SDK1: variants seen among roughly 807,000 people sequenced by gnomAD.
SDK1 encodes sidekick cell adhesion molecule 1.
In SDK1, 157 loss-of-function variants were observed where a neutral mutation model predicts 245.5. The observed-to-expected ratio is 0.64, with a 90% confidence interval of 0.56 to 0.73. The LOEUF is 0.73. SDK1 is among the 30% of genes least tolerant of loss of function. The pLI is 0.00. For synonymous variants in SDK1, 1,647 were observed against 1,278.5 expected, an observed-to-expected ratio of 1.29 and a Z score of -6.15; for missense variants, 3,583 against 3,002.3, an observed-to-expected ratio of 1.19 and a Z score of -4.52.
At chr7:3,368,727 C>G (rs886398858) in intron 1 of SDK1, among the ~76,000 whole-genome samples, 2 of 152,186 alleles carry the variant, frequency 1.3e-5, no homozygotes, top group African/African-American at 4.8e-5. Context: ...CCACCTCTGT[C>G]TTCCCACTCT....
intron 4 of SDK1, among the ~76,000 whole-genome samples, chr7:3,782,927 A>G (rs1460371213): frequency 2.0e-5 from 3 of 152,198 alleles, no homozygotes; most frequent in African/African-American, 7.2e-5. Flanking sequence ...TAAGAAAGAG[A>G]GTTAAAGGTC....
At chr7:3,408,205 T>C (rs910156134) in intron 1 of SDK1, among the ~76,000 whole-genome samples, 3 of 149,072 alleles carry the variant, frequency 2.0e-5, no homozygotes, top group Non-Finnish European at 4.5e-5. Context: ...GCCTGGCCAA[T>C]TTTTTTTTTC....
Position 4,158,469 on chromosome 7 carries a change from C to G in SDK1, c.4647C>G (p.Tyr1549Ter), listed in dbSNP as rs1404918625. ...VVDRLRPFTS[Y>*]KLRLKATNDI... ...GCAGACTGAGGCCCTTCACCTCCTA[C>G]AAGCTGCGCCTGAAAGCCACCAACG... Residue 1549 changes from tyrosine (Y) to a stop codon, truncating the protein, a stop_gained, in exon 31 of 45, where the codon TAC becomes TAG. Transcript: ENST00000404826. LOFTEE classifies it high-confidence loss of function. The G allele has an allele frequency of 6.2e-7, 1 of 1,613,658 alleles. No individual in the cohort carries two copies. Among genetic ancestry groups the G allele is most frequent in the Admixed American group, 1.7e-5 (1 of 60,034 alleles).
chr7:3,812,602 A>G (rs1303119664), intron 4 of SDK1, among the ~76,000 whole-genome samples: 1 of 152,214 alleles, frequency 6.6e-6, no homozygotes, highest in Non-Finnish European at 1.5e-5. Flanking sequence ...ACTAACTTGA[A>G]ATGTTTTTCA....
At chr7:4,004,299 T>C (rs80232309) in intron 14 of SDK1, among the ~76,000 whole-genome samples, 3,164 of 152,312 alleles carry the variant, frequency 0.021, 42 homozygotes, top group Non-Finnish European at 0.031. Context: ...CTAATACTTA[T>C]ATTTCAGGAG....
At chr7:3,459,432 T>A (rs780023102) in intron 1 of SDK1, among the ~76,000 whole-genome samples, 2 of 152,196 alleles carry the variant, frequency 1.3e-5, no homozygotes, top group Non-Finnish European at 2.9e-5. Flanking sequence ...GTGCTGGATG[T>A]AGCCACTCCC....
chr7:3,732,787 C>T (rs1473505606), intron 4 of SDK1, among the ~76,000 whole-genome samples: 1 of 152,142 alleles, frequency 6.6e-6, no homozygotes, highest in African/African-American at 2.4e-5. Context: ...CTCATATGGC[C>T]ATGGTTGTGA....
chr7:3,952,069 C>A, intron 7 of SDK1, 149 bp downstream of exon 7: 2 of 682,932 alleles, frequency 2.9e-6, no homozygotes, highest in Non-Finnish European at 2.4e-6. Context: ...GAAATCCTTC[C>A]TAGCCTTCTT....
rs1169384947 is a variant in SDK1 at position 4,132,385 on chromosome 7, T to C, written c.4190T>C (p.Val1397Ala). ...GTGAGACTCACCTCCGTGCGGATAGTGTGGCAACCTCCGGAGGAGCCCAAC... is the reference window on the plus strand; with the variant it reads ...GTGAGACTCACCTCCGTGCGGATAGCGTGGCAACCTCCGGAGGAGCCCAAC... ...PEVRLTSVRI[V>A]WQPPEEPNGI... Residue 1397 changes from valine (V) to alanine (A), a missense_variant, in exon 28 of 45, where the codon GTG (valine) becomes GCG (alanine). Coordinates refer to ENST00000404826, the MANE Select transcript of SDK1 (RefSeq NM_152744.4). 2 of 1,612,916 alleles carry C rather than the reference T, an allele frequency of 1.2e-6. No individual in the cohort carries two copies. Among genetic ancestry groups the C allele is most frequent in the East Asian group, 2.2e-5 (1 of 44,860 alleles).
intron 1 of SDK1, among the ~76,000 whole-genome samples, chr7:3,437,559 G>A (rs1000519338): frequency 2.0e-5 from 3 of 152,038 alleles, no homozygotes; most frequent in Non-Finnish European, 2.9e-5. Context: ...ATTGCTTGAG[G>A]TCAGGAGTTT....
At chr7:3,486,681 T>C (rs1482559705) in intron 1 of SDK1, among the ~76,000 whole-genome samples, 2 of 152,160 alleles carry the variant, frequency 1.3e-5, no homozygotes, top group Non-Finnish European at 2.9e-5. Context: ...AGGCGTTAAA[T>C]TTCAATAGGT....
At chr7:3,432,108 G>A (rs1350442410) in intron 1 of SDK1, among the ~76,000 whole-genome samples, 1 of 108,988 alleles carries the variant, frequency 9.2e-6, no homozygotes, top group African/African-American at 3.2e-5. Flanking sequence ...TTTGCAGGCT[G>A]CAGTAAAAAA....
Position 4,007,666 on chromosome 7 carries a change from G to A in SDK1, c.2132-3300G>A, listed in dbSNP as rs182638162. Reference sequence around the variant, plus strand: ...GTCGCCCAGGCTGGAGTCCAGTGGCGCGGTCTCGACTCCCTACAACCTCCG... The same window carrying A: ...GTCGCCCAGGCTGGAGTCCAGTGGCACGGTCTCGACTCCCTACAACCTCCG... On this transcript the variant is annotated intron_variant, in intron 14 of 44. Coordinates refer to ENST00000404826, the MANE Select transcript of SDK1 (RefSeq NM_152744.4). 9.2e-5 allele frequency among the ~76,000 whole-genome samples: 14 copies of A among 152,156 alleles called. No homozygotes were observed. In the East Asian group the frequency reaches 9.7e-4, roughly 11 times the overall value.
At chr7:3,334,092 G>T (rs1273690916) in intron 1 of SDK1, among the ~76,000 whole-genome samples, 3 of 152,218 alleles carry the variant, frequency 2.0e-5, no homozygotes, top group Non-Finnish European at 4.4e-5. Flanking sequence ...CATGGTTCAT[G>T]TTTATCATGA....
At chr7:3,975,716 T>A (rs1782871170) in intron 13 of SDK1, among the ~76,000 whole-genome samples, 1 of 152,256 alleles carries the variant, frequency 6.6e-6, no homozygotes, top group South Asian at 2.1e-4. Context: ...GGCCCTGTGG[T>A]GTCATCAGTA....
intron 5 of SDK1, 45 bp from the exon 6 acceptor site, chr7:3,950,877 TC>T (rs757327878): frequency 6.9e-7 from 1 of 1,457,366 alleles, no homozygotes; most frequent in Non-Finnish European, 9.5e-7. Flanking sequence ...CGGGGGGTGC[TC>T]CTGTACTTAG....
intron 1 of SDK1, among the ~76,000 whole-genome samples, chr7:3,364,388 T>C (rs2128561461): frequency 6.6e-6 from 1 of 152,342 alleles, no homozygotes; most frequent in East Asian, 1.9e-4. Context: ...TTCTCGTGTG[T>C]TGGTTTCTTT....
chr7:3,882,860 T>TTA (rs1781240587), intron 5 of SDK1, among the ~76,000 whole-genome samples: 1 of 152,180 alleles, frequency 6.6e-6, no homozygotes, highest in African/African-American at 2.4e-5. Flanking sequence ...TTCCTCTGAG[T>TTA]TACTCTATTG....
intron 1 of SDK1, among the ~76,000 whole-genome samples, chr7:3,452,666 A>G (rs962501381): frequency 3.9e-5 from 6 of 152,188 alleles, no homozygotes; most frequent in Non-Finnish European, 7.4e-5. Flanking sequence ...ACTTCCTACA[A>G]TATTGTCCTA....
Sources: gnomAD v4.1 joint callset for allele counts (sites outside exome capture counted in the v4.1 genomes callset) on GRCh38, gnomAD v4.1.1 for gene constraint, MANE v1.5 for transcripts, NCBI Gene and HGNC (gene_info 2026-07-23, HGNC 2026-07-21) for gene names.